The following ZCCHC17 variants were observed in gnomAD, a reference collection of about 807,000 sequenced individuals.
ZCCHC17 encodes the protein zinc finger CCHC domain-containing protein 17.
ZCCHC17 carries 18 observed loss-of-function variants against 30.6 expected under a neutral mutation model. The ratio of observed to expected loss-of-function variants is 0.59; its 90% confidence interval spans 0.41 to 0.87. The LOEUF is 0.87. ZCCHC17 is among the 40% of genes least tolerant of loss of function. The pLI is 0.00. For synonymous variants in ZCCHC17, 88 were observed against 92.4 expected, an observed-to-expected ratio of 0.95 and a Z score of 0.27; for missense variants, 263 against 284.2, an observed-to-expected ratio of 0.93 and a Z score of 0.54.
chr1:31,353,157 A>G (rs991000013), intron 7 of ZCCHC17, among the ~76,000 whole-genome samples: 2 of 152,170 alleles, frequency 1.3e-5, no homozygotes, highest in African/African-American at 2.4e-5. Flanking sequence ...CTTATTGGCC[A>G]TATGTATATT....
In ZCCHC17 at chr1:31,310,158, A is replaced by G. The variant is rs778611211; in HGVS notation, c.60A>G (p.Gln20=). ...TGCCTGCTCTCTACACTATTTTCCA[A>G]GGAGAGGTATATTCTTTTGTGCTTT... is the stretch of plus-strand genomic sequence containing the variant. ...ENLPALYTIF[Q]GEVAMVTDYG... is the part of the protein sequence containing the mutation. Residue 20 remains glutamine (Q), a synonymous_variant, in exon 2 of 8, where the codon CAA becomes CAG. Transcript: ENST00000344147. 11 of 1,614,006 alleles carry G rather than the reference A, an allele frequency of 6.8e-6. No homozygotes were observed. Among genetic ancestry groups the G allele is most frequent in the Non-Finnish European group, 6.8e-6 (8 of 1,180,008 alleles).
chr1:31,313,761 C>T (rs1569776748), intron 2 of ZCCHC17, among the ~76,000 whole-genome samples: 1 of 152,098 alleles, frequency 6.6e-6, no homozygotes, highest in Non-Finnish European at 1.5e-5. Flanking sequence ...TCAGGTGCTG[C>T]CCAAAAGAAA....
intron 6 of ZCCHC17, chr1:31,346,963 A>G: frequency 1.1e-6 from 1 of 918,300 alleles, no homozygotes; most frequent in South Asian, 2.0e-5. Flanking sequence ...CACTACCACC[A>G]CTCCTCCCAC....
At chr1:31,343,558 A>G (rs1639126439) in intron 5 of ZCCHC17, among the ~76,000 whole-genome samples, 1 of 152,176 alleles carries the variant, frequency 6.6e-6, no homozygotes, top group Non-Finnish European at 1.5e-5. Context: ...CAAAGTGTTA[A>G]TGAGATAATC....
intron 7 of ZCCHC17, among the ~76,000 whole-genome samples, chr1:31,362,353 C>G (rs1639939216): frequency 6.6e-6 from 1 of 152,204 alleles, no homozygotes. Context: ...CTTTTCTGCT[C>G]TCTTTCTCCT....
chr1:31,315,232 A>G (rs1479391307), intron 2 of ZCCHC17, among the ~76,000 whole-genome samples: 2 of 152,154 alleles, frequency 1.3e-5, no homozygotes, highest in African/African-American at 2.4e-5. Context: ...ATTTCATAGT[A>G]CCTGACATGG....
chr1:31,301,612 G>C (rs1294621669), intron 1 of ZCCHC17, among the ~76,000 whole-genome samples: 1 of 152,186 alleles, frequency 6.6e-6, no homozygotes, highest in African/African-American at 2.4e-5. Context: ...TGAAAGTGTA[G>C]TGTCGAGTGG....
At chr1:31,304,134 A>G (rs1222780022) in intron 1 of ZCCHC17, among the ~76,000 whole-genome samples, 6 of 152,284 alleles carry the variant, frequency 3.9e-5, no homozygotes, top group Admixed American at 6.5e-5. Context: ...ATGCAAGCAA[A>G]ATGCTTTGTT....
chr1:31,347,778 T>G (rs1466710572), intron 6 of ZCCHC17, among the ~76,000 whole-genome samples: 2 of 152,082 alleles, frequency 1.3e-5, no homozygotes, highest in Non-Finnish European at 2.9e-5. Flanking sequence ...TCCAGCTAAT[T>G]TTTAAAAATT....
intron 3 of ZCCHC17, among the ~76,000 whole-genome samples, chr1:31,325,982 C>A (rs1638324861): frequency 6.7e-6 from 1 of 148,654 alleles, no homozygotes; most frequent in Non-Finnish European, 1.5e-5. Context: ...AAGAGTAAGA[C>A]CCTGTCCCTT....
intron 3 of ZCCHC17, among the ~76,000 whole-genome samples, chr1:31,331,449 A>G (rs1320806995): frequency 1.3e-5 from 2 of 151,960 alleles, no homozygotes; most frequent in Admixed American, 6.6e-5. Flanking sequence ...CCCGTCCTGT[A>G]TCATAATATT....
At chr1:31,354,790 C>A (rs1401102677) in intron 7 of ZCCHC17, among the ~76,000 whole-genome samples, 1 of 152,188 alleles carries the variant, frequency 6.6e-6, no homozygotes, top group East Asian at 1.9e-4. Flanking sequence ...GCTTAGTCAA[C>A]CTACTACCCA....
At chr1:31,361,570 G>T (rs1448636438) in intron 7 of ZCCHC17, among the ~76,000 whole-genome samples, 3 of 152,172 alleles carry the variant, frequency 2.0e-5, no homozygotes, top group African/African-American at 7.2e-5. Context: ...AAAATTTGTT[G>T]TTCTAATGAC....
chr1:31,317,564 A>C (rs1646766504), intron 2 of ZCCHC17, among the ~76,000 whole-genome samples: 1 of 152,246 alleles, frequency 6.6e-6, no homozygotes, highest in South Asian at 2.1e-4. Flanking sequence ...GGGAAATGGC[A>C]GAGCTAGGAT....
intron 3 of ZCCHC17, among the ~76,000 whole-genome samples, chr1:31,324,988 C>G (rs1638278938): frequency 6.6e-6 from 1 of 152,100 alleles, no homozygotes; most frequent in South Asian, 2.1e-4. Flanking sequence ...GCCCATGGAC[C>G]AGTCAGCACA....
At chr1:31,323,846 A>C (rs527818584) in intron 3 of ZCCHC17, among the ~76,000 whole-genome samples, 1 of 152,222 alleles carries the variant, frequency 6.6e-6, no homozygotes, top group Non-Finnish European at 1.5e-5. Context: ...GACTTTGGCA[A>C]TGCCTATTAA....
intron 3 of ZCCHC17, among the ~76,000 whole-genome samples, chr1:31,323,137 C>T (rs1273748429): frequency 2.0e-5 from 3 of 152,180 alleles, no homozygotes; most frequent in African/African-American, 7.2e-5. Flanking sequence ...AAAGACACTT[C>T]TATCACTCAG....
intron 5 of ZCCHC17, among the ~76,000 whole-genome samples, chr1:31,344,056 T>C (rs964789289): frequency 6.6e-6 from 1 of 151,976 alleles, no homozygotes; most frequent in African/African-American, 2.4e-5. Flanking sequence ...GGTTTCTCCA[T>C]GTTGGTCAGG....
intron 7 of ZCCHC17, among the ~76,000 whole-genome samples, chr1:31,361,786 A>ATTATTTATTTATTTATTTATTTAT: frequency 6.9e-6 from 1 of 145,814 alleles, no homozygotes; most frequent in Non-Finnish European, 1.5e-5. Flanking sequence ...AGAGGGGGAG[A>ATTATTTATTTATTTATTTATTTAT]TTATTTATTT....
Sources: allele counts gnomAD v4.1 joint callset (sites outside exome capture counted in the v4.1 genomes callset), GRCh38; gene constraint gnomAD v4.1.1; transcripts MANE v1.5; gene names NCBI Gene and HGNC (gene_info 2026-07-23, HGNC 2026-07-21).